SLC35D1: variants seen among roughly 807,000 people sequenced by gnomAD.
SLC35D1 encodes nucleotide sugar transporter SLC35D1.
A neutral mutation model predicts 46.7 loss-of-function variants in SLC35D1; 31 were observed. The ratio of observed to expected loss-of-function variants is 0.66; its 90% CI spans 0.50 to 0.90. The LOEUF (loss-of-function observed/expected upper bound fraction) is 0.90. Among genes scored for constraint, SLC35D1 ranks in the 40% least tolerant of loss-of-function variants. The pLI is 0.00. For synonymous variants in SLC35D1, 195 were observed against 164.6 expected (o/e 1.18, Z -1.41); for missense variants, 397 against 426.2 (o/e 0.93, Z 0.60).
chr1:67,020,231 T>G, intron 10 of SLC35D1, 138 bp downstream of exon 10: 1 of 667,184 alleles, frequency 1.5e-6, no homozygotes. Context: ...TCAGAAACTA[T>G]CACCACAATT....
chr1:67,040,040 G>C (rs1668208780), intron 8 of SLC35D1, among the ~76,000 whole-genome samples: 1 of 151,170 alleles, frequency 6.6e-6, no homozygotes. Context: ...TGTCACCCAG[G>C]CTGGAGTGCA....
At chr1:67,021,706 GACACAGACACAGACACAGACACAC>G (rs1667805332) in intron 8 of SLC35D1, 104 bp from the exon 9 acceptor site, 9 of 243,274 alleles carry the variant, frequency 3.7e-5, no homozygotes, top group South Asian at 1.5e-4. Context: ...CACAGACACA[GACACAGACACAGACACAGACACAC>G]ACACACACAC....
intron 8 of SLC35D1, among the ~76,000 whole-genome samples, chr1:67,041,445 C>G (rs1490054890): frequency 6.6e-6 from 1 of 152,180 alleles, no homozygotes. Flanking sequence ...TTAGCTCCCA[C>G]AAACTTGTAA....
chr1:67,020,819 G>C (rs1308048733), intron 9 of SLC35D1, among the ~76,000 whole-genome samples: 2 of 152,040 alleles, frequency 1.3e-5, no homozygotes, highest in Admixed American at 1.3e-4. Flanking sequence ...ATGTCCTCTG[G>C]GCCAGACGAA....
the SLC35D1 span, chr1:66,976,616 G>A: frequency 1.3e-6 from 2 of 1,599,080 alleles, no homozygotes; most frequent in Non-Finnish European, 1.7e-6. Flanking sequence ...GTCAGTTGGT[G>A]AATGTGTAGC....
intron 6 of SLC35D1, among the ~76,000 whole-genome samples, chr1:67,049,513 T>C (rs1645286014): frequency 6.6e-6 from 1 of 152,226 alleles, no homozygotes; most frequent in Non-Finnish European, 1.5e-5. Flanking sequence ...GCCAAACATA[T>C]TGTGTGGCAC....
chr1:67,036,329 C>A (rs1487250882), intron 8 of SLC35D1, among the ~76,000 whole-genome samples: 2 of 152,034 alleles, frequency 1.3e-5, no homozygotes, highest in African/African-American at 2.4e-5. Context: ...CTCTTTAGCA[C>A]TAGTAGTATT....
At chr1:66,985,280 T>G in the SLC35D1 span, 12 of 983,906 alleles carry the variant, frequency 1.2e-5, no homozygotes, top group Non-Finnish European at 1.1e-5. Flanking sequence ...TTTGCTTAGT[T>G]TGATGGATGA....
chr1:67,047,055 C>A lies in SLC35D1; in HGVS notation c.636+210G>T, dbSNP rs1038675393. Among the ~76,000 whole-genome samples the A allele has an allele frequency of 7.2e-5, 11 of 152,214 alleles. No homozygotes were observed. The South Asian group carries it at 2.3e-3, about 32-fold the overall frequency. Reference sequence around the variant, plus strand: ...CACACGAAGTCAAAATTCACGCAATCCCAGAAAAGCCTGGAATAAAACCTA... The same window carrying A: ...CACACGAAGTCAAAATTCACGCAATACCAGAAAAGCCTGGAATAAAACCTA... On this transcript the variant is annotated intron_variant, in intron 7 of 11. Transcript: ENST00000235345.
At chr1:66,988,370 A>G in the SLC35D1 span, 3 of 152,354 alleles carry the variant, frequency 2.0e-5, no homozygotes, top group South Asian at 6.2e-4. Context: ...AGAATCTTAA[A>G]GGGTTTTCCA....
intron 7 of SLC35D1, among the ~76,000 whole-genome samples, chr1:67,042,777 G>T (rs1558164791): frequency 6.6e-6 from 1 of 152,194 alleles, no homozygotes; most frequent in African/African-American, 2.4e-5. Flanking sequence ...AAGAAAGATG[G>T]ATGAGGCCGG....
the SLC35D1 span, among the ~76,000 whole-genome samples, chr1:66,992,780 G>A: frequency 0.039 from 5,986 of 152,278 alleles, 147 homozygotes; most frequent in Non-Finnish European, 0.054. Context: ...GGTTTATTTG[G>A]CTACAACAGT....
At chr1:67,012,769 C>G (rs886163044) in intron 10 of SLC35D1, among the ~76,000 whole-genome samples, 2 of 152,126 alleles carry the variant, frequency 1.3e-5, no homozygotes, top group African/African-American at 4.8e-5. Flanking sequence ...ACAATAAAGG[C>G]TGCTGTACCT....
intron 8 of SLC35D1, among the ~76,000 whole-genome samples, chr1:67,028,608 T>G (rs922626750): frequency 7.2e-5 from 11 of 152,228 alleles, no homozygotes; most frequent in African/African-American, 2.7e-4. Context: ...ATGGTACAGT[T>G]TCCTTTACAT....
At chr1:67,008,328 G>A (rs578252773) in intron 11 of SLC35D1, 24 of 820,384 alleles carry the variant, frequency 2.9e-5, no homozygotes, top group South Asian at 1.8e-4. Flanking sequence ...TAGTAGAGAC[G>A]GGGTATCACC....
At chr1:66,973,046 T>C in the SLC35D1 span, 1 of 888,750 alleles carries the variant, frequency 1.1e-6, no homozygotes, top group Middle Eastern at 2.2e-4. Context: ...ACAACTCAAA[T>C]GGTCATGTAT....
At chr1:67,017,083 A>C (rs1349915994) in intron 10 of SLC35D1, among the ~76,000 whole-genome samples, 1 of 152,174 alleles carries the variant, frequency 6.6e-6, no homozygotes, top group East Asian at 1.9e-4. Context: ...GGCTTTTAAA[A>C]GTCTAATAAT....
At chr1:67,034,744 T>C in intron 8 of SLC35D1, among the ~76,000 whole-genome samples, 1 of 152,184 alleles carries the variant, frequency 6.6e-6, no homozygotes, top group East Asian at 1.9e-4. Flanking sequence ...AAAGTGGGCA[T>C]CCTTGTTGTG....
the SLC35D1 span, among the ~76,000 whole-genome samples, chr1:66,973,542 T>C: frequency 6.6e-6 from 1 of 152,116 alleles, no homozygotes; most frequent in Non-Finnish European, 1.5e-5. Context: ...TAATCATTTA[T>C]CATTTCATGT....
Sources: allele counts gnomAD v4.1 joint callset (sites outside exome capture counted in the v4.1 genomes callset), GRCh38; gene constraint gnomAD v4.1.1; transcripts MANE v1.5; gene names NCBI Gene and HGNC (gene_info 2026-07-23, HGNC 2026-07-21).